PRDM1: variants seen among roughly 807,000 people sequenced by gnomAD.
The protein encoded by PRDM1 is PR/SET domain 1.
In PRDM1, 13 loss-of-function variants were observed where a neutral mutation model predicts 62.8. The ratio of observed to expected loss-of-function variants is 0.21; its 90% CI spans 0.13 to 0.33. The LOEUF is 0.33. PRDM1 is among the 10% of genes least tolerant of loss of function. The probability of loss-of-function intolerance (pLI) is 1.00; values close to 1 mark genes in which losing one functional copy is unlikely to be tolerated. For missense variants in PRDM1, 895 were observed against 1,058.8 expected (o/e 0.85, Z 2.15); for synonymous variants, 396 against 417.6 (o/e 0.95, Z 0.63).
intron 1 of PRDM1, among the ~76,000 whole-genome samples, chr6:106,034,964 A>G (rs1321840511): frequency 1.3e-5 from 2 of 152,192 alleles, no homozygotes; most frequent in Admixed American, 6.5e-5. Flanking sequence ...AGTCTGTTTC[A>G]TAGGTCTATT....
At chr6:106,055,814 G>A (rs894943694) in intron 1 of PRDM1, among the ~76,000 whole-genome samples, 1 of 152,182 alleles carries the variant, frequency 6.6e-6, no homozygotes, top group Non-Finnish European at 1.5e-5. Flanking sequence ...CCCGACTCTA[G>A]ATTTTTAGAG....
intron 1 of PRDM1, among the ~76,000 whole-genome samples, chr6:105,997,879 T>C (rs562491148): frequency 9.2e-5 from 14 of 152,232 alleles, no homozygotes; most frequent in Non-Finnish European, 2.1e-4. Context: ...ATTTCAGTAG[T>C]ATTTTATTGT....
At chr6:106,054,324 TAAAAA>T in intron 1 of PRDM1, among the ~76,000 whole-genome samples, 1 of 152,188 alleles carries the variant, frequency 6.6e-6, no homozygotes, top group African/African-American at 2.4e-5. Context: ...TTAAAGCATT[TAAAAA>T]TCTTTTGTGT....
chr6:106,071,146 C>T (rs938738591), intron 1 of PRDM1, among the ~76,000 whole-genome samples: 2 of 152,000 alleles, frequency 1.3e-5, no homozygotes, highest in African/African-American at 4.8e-5. Context: ...GTGGTGGGCA[C>T]CTGTAATCCC....
chr6:106,084,165 A>T (rs1358786621), upstream of PRDM1, among the ~76,000 whole-genome samples: 1 of 151,784 alleles, frequency 6.6e-6, no homozygotes, highest in African/African-American at 2.4e-5. Flanking sequence ...TTTTTTTCCC[A>T]ATCACTTTGA....
At chr6:106,037,773 A>C (rs1028331532) in intron 1 of PRDM1, among the ~76,000 whole-genome samples, 2 of 151,626 alleles carry the variant, frequency 1.3e-5, no homozygotes, top group Non-Finnish European at 2.9e-5. Context: ...CTTTCCCCAC[A>C]TCTTCCTTTA....
intron 1 of PRDM1, among the ~76,000 whole-genome samples, chr6:106,033,372 C>T (rs1314869725): frequency 4.0e-5 from 6 of 149,666 alleles, no homozygotes; most frequent in South Asian, 2.1e-4. Context: ...AGGCTTGTCT[C>T]GAACTCCTGA....
intron 1 of PRDM1, among the ~76,000 whole-genome samples, chr6:106,019,227 A>G (rs1198108916): frequency 7.6e-6 from 1 of 131,048 alleles, no homozygotes; most frequent in Non-Finnish European, 1.6e-5. Flanking sequence ...AGCCAAGATC[A>G]TGCTGGACAG....
At chr6:106,073,403 C>A (rs1358431136) in intron 1 of PRDM1, among the ~76,000 whole-genome samples, 1 of 152,198 alleles carries the variant, frequency 6.6e-6, no homozygotes, top group Non-Finnish European at 1.5e-5. Flanking sequence ...ACATGAGCCA[C>A]AGCACCCGGC....
chr6:106,085,769 C>T (rs1466830880), upstream of PRDM1, among the ~76,000 whole-genome samples: 1 of 148,476 alleles, frequency 6.7e-6, no homozygotes, highest in African/African-American at 2.5e-5. Flanking sequence ...TGCCTATTTC[C>T]CTATTTACTA....
upstream of PRDM1, chr6:106,086,267 G>C: frequency 2.5e-6 from 1 of 406,978 alleles, no homozygotes; most frequent in Middle Eastern, 6.4e-4. Context: ...GGCCACGTTG[G>C]CCACGCCCCC....
chr6:106,050,547 A>C (rs957005494), intron 1 of PRDM1, among the ~76,000 whole-genome samples: 1 of 152,214 alleles, frequency 6.6e-6, no homozygotes, highest in African/African-American at 2.4e-5. Context: ...ACAAAAACAG[A>C]TGAGCTCGTT....
chr6:106,007,091 G>T (rs994720052), intron 1 of PRDM1, among the ~76,000 whole-genome samples: 17 of 151,680 alleles, frequency 1.1e-4, no homozygotes, highest in African/African-American at 3.9e-4. Flanking sequence ...TTCTTAGTTT[G>T]CTTCCTTACC....
In PRDM1 at chr6:106,108,521, CTTTTT is replaced by C. The variant is rs5878868; in HGVS notation, c.*1052_*1056del. On this transcript the variant is annotated 3_prime_UTR_variant, in exon 7 of 7. Coordinates refer to ENST00000369096, the MANE Select transcript of PRDM1 (RefSeq NM_001198.4). ...GGTGTTTTGTTGTTGGTTTTTGTTGCTTTTTTTTTTTTTTTTTTTTTAATGTCAAA... is the reference window on the plus strand; with the variant it reads ...GGTGTTTTGTTGTTGGTTTTTGTTGCTTTTTTTTTTTTTTTTAATGTCAAA... The C allele has an allele frequency of 1.2e-3, 172 of 145,596 alleles. No homozygotes were observed. Among genetic ancestry groups the C allele is most frequent in the East Asian group, 4.2e-3 (50 of 11,768 alleles). The allele number at this position is 145,596 out of a possible 1,614,324, so 9.0% of individuals were successfully genotyped here.
chr6:105,996,500 C>T (rs375508329), intron 1 of PRDM1, among the ~76,000 whole-genome samples: 4 of 152,188 alleles, frequency 2.6e-5, no homozygotes, highest in South Asian at 4.1e-4. Flanking sequence ...TGTAAGTTAC[C>T]TGTTTCCTAC....
At position 106,073,886 on chromosome 6, in the gene PRDM1, A is replaced by T. The variant is rs533447940; in HGVS notation, c.-66-14315A>T. On this transcript the variant is annotated intron_variant, in intron 1 of 6. Transcript: ENST00000651185. ...GATATTGAAGCATATACCCTCAGTG[A>T]GGTGTTCTTATTCAAATGTTAGGGT... Among the ~76,000 whole-genome samples, 3 of 152,302 alleles carry T rather than the reference A, an allele frequency of 2.0e-5. No homozygotes were observed. In the South Asian group the frequency reaches 6.2e-4, roughly 32 times the overall value.
rs1236211728 is a variant in PRDM1 at position 106,103,396 on chromosome 6, G to A, written c.665-1429G>A. On this transcript the variant is annotated intron_variant, in intron 4 of 6. Transcript: ENST00000369096. The stretch of plus-strand genomic sequence containing the variant: ...TAAATTCAAGCAGAGACATTTTTTA[G>A]ACGATGAAGGATATTTGCACAAAGG... 2.6e-5 allele frequency among the ~76,000 whole-genome samples: 4 copies of A among 152,212 alleles called. No homozygotes were observed. In the East Asian group the frequency reaches 7.7e-4, roughly 29 times the overall value.
intron 1 of PRDM1, among the ~76,000 whole-genome samples, chr6:106,073,931 A>T (rs1246340355): frequency 6.6e-6 from 1 of 152,176 alleles, no homozygotes; most frequent in East Asian, 1.9e-4. Context: ...AGAAAACATG[A>T]TCCACATGAG....
chr6:106,028,764 T>A (rs1197918565), intron 1 of PRDM1, among the ~76,000 whole-genome samples: 1 of 152,080 alleles, frequency 6.6e-6, no homozygotes, highest in East Asian at 1.9e-4. Flanking sequence ...CCCGAAGTTT[T>A]CCTGTGTCTC....
Sources: allele counts gnomAD v4.1 joint callset (sites outside exome capture counted in the v4.1 genomes callset), GRCh38; gene constraint gnomAD v4.1.1; transcripts MANE v1.5; gene names NCBI Gene and HGNC (gene_info 2026-07-23, HGNC 2026-07-21).